Variants in SPAG16 observed in about 807,000 individuals in gnomAD.
The protein encoded by SPAG16 is sperm-associated antigen 16 protein.
In SPAG16, 86 loss-of-function variants were observed where a neutral mutation model predicts 80.4. That is an observed-to-expected ratio of 1.07 (90% CI 0.90 to 1.28). The LOEUF is 1.28. Ranked by LOEUF, SPAG16 falls within the 50% of genes most tolerant of loss-of-function variation. The pLI, the probability that SPAG16 is intolerant of heterozygous loss-of-function variation, is 0.00. For missense variants in SPAG16, 870 were observed against 765.3 expected (o/e 1.14, Z -1.61); for synonymous variants, 294 against 265.9 (o/e 1.11, Z -1.03).
intron 4 of SPAG16, among the ~76,000 whole-genome samples, chr2:213,315,940 A>G (rs1398135806): frequency 6.6e-6 from 1 of 151,138 alleles, no homozygotes; most frequent in East Asian, 1.9e-4. Flanking sequence ...TTTATGGCTC[A>G]CTCCTAGGAC....
intron 15 of SPAG16, among the ~76,000 whole-genome samples, chr2:214,251,230 T>C (rs1690269028): frequency 6.6e-6 from 1 of 151,686 alleles, no homozygotes. Flanking sequence ...TACTCAGACT[T>C]TGAGACCTGA....
intron 10 of SPAG16, among the ~76,000 whole-genome samples, chr2:213,841,232 G>C (rs185257164): frequency 2.0e-5 from 3 of 152,164 alleles, no homozygotes; most frequent in Non-Finnish European, 4.4e-5. Flanking sequence ...CATGAGAGTA[G>C]TGGGTTGGTG....
intron 10 of SPAG16, among the ~76,000 whole-genome samples, chr2:213,754,153 C>T (rs2068212397): frequency 6.6e-6 from 1 of 152,158 alleles, no homozygotes; most frequent in Non-Finnish European, 1.5e-5. Flanking sequence ...GTGAACCTCC[C>T]TGAGTGATCC....
At chr2:214,340,760 GAGGCTGTGATT>G (rs1038088068) in intron 15 of SPAG16, among the ~76,000 whole-genome samples, 1 of 152,144 alleles carries the variant, frequency 6.6e-6, no homozygotes, top group Non-Finnish European at 1.5e-5. Context: ...GGTGCTGGCT[GAGGCTGTGATT>G]AGGTCAGGCC....
chr2:213,707,639 C>T (rs1574888952), intron 10 of SPAG16, among the ~76,000 whole-genome samples: 2 of 151,760 alleles, frequency 1.3e-5, no homozygotes, highest in Non-Finnish European at 2.9e-5. Context: ...TGCCTCATTG[C>T]CTATCATGTG....
intron 10 of SPAG16, among the ~76,000 whole-genome samples, chr2:213,819,860 A>C (rs1464935276): frequency 1.3e-5 from 2 of 151,170 alleles, no homozygotes; most frequent in Admixed American, 1.3e-4. Context: ...GGGTTCAAAC[A>C]ATTCTCCTGT....
chr2:213,470,062 G>T (rs2072992296), intron 9 of SPAG16, among the ~76,000 whole-genome samples: 1 of 152,110 alleles, frequency 6.6e-6, no homozygotes, highest in Non-Finnish European at 1.5e-5. Flanking sequence ...TCCACCCCTT[G>T]ATTCCTGGAC....
chr2:214,030,642 T>C (rs1386012919), intron 13 of SPAG16, among the ~76,000 whole-genome samples: 1 of 152,182 alleles, frequency 6.6e-6, no homozygotes, highest in Non-Finnish European at 1.5e-5. Context: ...AGTCTATGAG[T>C]CTTTACTTAA....
intron 10 of SPAG16, among the ~76,000 whole-genome samples, chr2:213,530,598 T>C (rs2125882277): frequency 6.6e-6 from 1 of 152,326 alleles, no homozygotes; most frequent in East Asian, 1.9e-4. Context: ...TCTTGAACTG[T>C]TTCTGTTTTT....
intron 10 of SPAG16, among the ~76,000 whole-genome samples, chr2:213,531,359 A>AGT (rs56011234): frequency 0.48 from 67,895 of 141,880 alleles, 17,392 homozygotes; most frequent in East Asian, 0.64. Flanking sequence ...AAAAGATGTG[A>AGT]GTGTGTGTGT....
At chr2:213,755,788 A>G (rs1181418477) in intron 10 of SPAG16, among the ~76,000 whole-genome samples, 1 of 152,220 alleles carries the variant, frequency 6.6e-6, no homozygotes, top group Non-Finnish European at 1.5e-5. Flanking sequence ...AGATATACCC[A>G]AGAGCACTGC....
rs1005397694 is a variant in SPAG16 at position 214,011,452 on chromosome 2, C to G, written c.1401-2499C>G. Among the ~76,000 whole-genome samples, 5 of 118,274 alleles carry G rather than the reference C, an allele frequency of 4.2e-5. 1 individual carries two copies. In the East Asian group the frequency reaches 1.1e-3, roughly 27 times the overall value. The allele number at this position is 118,274 out of a possible 152,430, so 77.6% of individuals were successfully genotyped here. A position where few individuals can be genotyped will look rare whatever the true frequency, so the allele number is the denominator to read the frequency against. On this transcript the variant is annotated intron_variant, in intron 12 of 15. Transcript: ENST00000331683. ...TTGGTATACTTCTTGGGTCAGCAAA[C>G]TTTTCTTCAAAGGGCTATGAATTAA...
At chr2:213,705,337 G>C (rs779769448) in intron 10 of SPAG16, among the ~76,000 whole-genome samples, 1 of 152,158 alleles carries the variant, frequency 6.6e-6, no homozygotes, top group African/African-American at 2.4e-5. Flanking sequence ...CTAGTTAATT[G>C]ATTTAAAGTG....
intron 15 of SPAG16, among the ~76,000 whole-genome samples, chr2:214,236,513 A>T (rs905461098): frequency 6.6e-6 from 1 of 151,944 alleles, no homozygotes; most frequent in African/African-American, 2.4e-5. Flanking sequence ...TTAGCCGGGC[A>T]TGGGGGCGGG....
At chr2:213,668,960 T>C (rs1022801822) in intron 10 of SPAG16, among the ~76,000 whole-genome samples, 19 of 152,208 alleles carry the variant, frequency 1.2e-4, no homozygotes, top group African/African-American at 4.3e-4. Context: ...AGAAATATAA[T>C]AGTATTTCTA....
At chr2:214,061,980 T>TGC (rs1559748525) in intron 13 of SPAG16, among the ~76,000 whole-genome samples, 3 of 46,988 alleles carry the variant, frequency 6.4e-5, no homozygotes, top group Non-Finnish European at 1.0e-4. Flanking sequence ...AATAAAAGCA[T>TGC]GCACACACAC....
intron 10 of SPAG16, among the ~76,000 whole-genome samples, chr2:213,661,218 A>G (rs1450310362): frequency 6.6e-6 from 1 of 152,198 alleles, no homozygotes; most frequent in Non-Finnish European, 1.5e-5. Context: ...TAAATGTTGG[A>G]AAATCTTTGT....
At chr2:213,336,058 A>G (rs1360966719) in intron 5 of SPAG16, among the ~76,000 whole-genome samples, 1 of 152,078 alleles carries the variant, frequency 6.6e-6, no homozygotes, top group Non-Finnish European at 1.5e-5. Context: ...AGCAAAGAAG[A>G]GCATCGAGGG....
intron 15 of SPAG16, among the ~76,000 whole-genome samples, chr2:214,358,545 A>G (rs1698968820): frequency 6.6e-6 from 1 of 151,526 alleles, no homozygotes; most frequent in South Asian, 2.1e-4. Context: ...CATATTATCA[A>G]AAGCAGAACC....
Sources: allele counts gnomAD v4.1 joint callset (sites outside exome capture counted in the v4.1 genomes callset), GRCh38; gene constraint gnomAD v4.1.1; transcripts MANE v1.5; gene names NCBI Gene and HGNC (gene_info 2026-07-23, HGNC 2026-07-21).